The following CCDC18 variants were observed in gnomAD, a reference collection of about 807,000 sequenced individuals.
CCDC18 encodes coiled-coil domain containing 18.
CCDC18 carries 157 observed loss-of-function variants against 196.0 expected under a neutral mutation model. The ratio of observed to expected loss-of-function variants is 0.80; its 90% CI spans 0.70 to 0.91. The LOEUF is 0.91. Among genes scored for constraint, CCDC18 ranks in the 40% least tolerant of loss-of-function variants. CCDC18 has a pLI of 0.00. For synonymous variants in CCDC18, 482 were observed against 529.2 expected, an observed-to-expected ratio of 0.91 and a Z score of 1.22; for missense variants, 1,465 against 1,611.6, an observed-to-expected ratio of 0.91 and a Z score of 1.56.
intron 28 of CCDC18, among the ~76,000 whole-genome samples, chr1:93,275,389 G>A (rs1252454933): frequency 6.6e-6 from 1 of 152,136 alleles, no homozygotes; most frequent in African/African-American, 2.4e-5. Context: ...GATGACAGGC[G>A]TGAGCCACCG....
chr1:93,216,302 T>C (rs1344995270), intron 12 of CCDC18, among the ~76,000 whole-genome samples: 1 of 152,004 alleles, frequency 6.6e-6, no homozygotes, highest in Non-Finnish European at 1.5e-5. Flanking sequence ...TATTTCAGTC[T>C]TTAACAGCTA....
intron 28 of CCDC18, among the ~76,000 whole-genome samples, chr1:93,273,208 A>C (rs1320534174): frequency 1.3e-5 from 2 of 151,954 alleles, no homozygotes; most frequent in African/African-American, 4.8e-5. Context: ...AGCTGGGACT[A>C]CAGGCGCCCG....
intron 7 of CCDC18, among the ~76,000 whole-genome samples, chr1:93,204,737 C>G (rs1031850574): frequency 6.6e-6 from 1 of 151,854 alleles, no homozygotes; most frequent in African/African-American, 2.4e-5. Flanking sequence ...TCACTAGGTA[C>G]TGAAATCTTT....
intron 21 of CCDC18, among the ~76,000 whole-genome samples, chr1:93,241,345 G>A (rs1424755584): frequency 1.3e-5 from 2 of 152,020 alleles, no homozygotes; most frequent in African/African-American, 2.4e-5. Context: ...CTGTTGCTGT[G>A]GCTTCCTAGC....
At chr1:93,239,504 C>A in intron 20 of CCDC18, 31 bp downstream of exon 20, 1 of 1,579,980 alleles carries the variant, frequency 6.3e-7, no homozygotes, top group South Asian at 1.2e-5. Flanking sequence ...GTATAGCTGC[C>A]TATGTATTTG....
chr1:93,189,578 A>G (rs1323070383), intron 4 of CCDC18, among the ~76,000 whole-genome samples: 1 of 152,150 alleles, frequency 6.6e-6, no homozygotes, highest in Non-Finnish European at 1.5e-5. Flanking sequence ...ACTAATTTCC[A>G]TTCCCACCAA....
chr1:93,239,202 T>A (rs1230608221), intron 19 of CCDC18, 108 bp from the exon 20 acceptor site: 1 of 780,478 alleles, frequency 1.3e-6, no homozygotes, highest in East Asian at 2.6e-5. Context: ...CAACTAGATA[T>A]TTTGCTGATA....
intron 7 of CCDC18, among the ~76,000 whole-genome samples, chr1:93,204,858 A>G (rs890440493): frequency 2.0e-5 from 3 of 152,134 alleles, no homozygotes; most frequent in Non-Finnish European, 4.4e-5. Flanking sequence ...TCCTTGTGGG[A>G]ATGAAATATC....
chr1:93,198,380 G>A (rs988643578), intron 6 of CCDC18, among the ~76,000 whole-genome samples: 1 of 152,174 alleles, frequency 6.6e-6, no homozygotes, highest in African/African-American at 2.4e-5. Context: ...GTAGAATACT[G>A]TATAATTCCA....
At chr1:93,194,555 T>G (rs986879623) in intron 6 of CCDC18, among the ~76,000 whole-genome samples, 2 of 152,148 alleles carry the variant, frequency 1.3e-5, no homozygotes, top group African/African-American at 4.8e-5. Context: ...AAATCTCAGG[T>G]TTTTTTCATC....
At chr1:93,196,366 TACTC>T (rs67544684) in intron 6 of CCDC18, among the ~76,000 whole-genome samples, 79,589 of 151,446 alleles carry the variant, frequency 0.53, 24,029 homozygotes, top group South Asian at 0.68. Flanking sequence ...TTCAGATAAA[TACTC>T]ACCAAAGCAA....
intron 9 of CCDC18, 146 bp from the exon 10 acceptor site, chr1:93,210,656 C>T: frequency 1.8e-6 from 1 of 542,606 alleles, no homozygotes; most frequent in South Asian, 2.7e-5. Flanking sequence ...CTTAATATTT[C>T]TTAATGTATT....
chr1:93,193,698 A>G lies in CCDC18; in HGVS notation c.652A>G (p.Ile218Val). 1 of 1,588,896 alleles carries G rather than the reference A, an allele frequency of 6.3e-7. No individual in the cohort carries two copies. Among genetic ancestry groups the G allele is most frequent in the Non-Finnish European group, 8.5e-7 (1 of 1,170,594 alleles). Reference sequence around the variant, plus strand: ...TTTGCAGGAGTCCAAAGAGGAATGTATAAAATTAAAGGTGGACTTACTTGA... The same window carrying G: ...TTTGCAGGAGTCCAAAGAGGAATGTGTAAAATTAAAGGTGGACTTACTTGA... ...QSLQESKEEC[I>V]KLKVDLLEQT... Residue 218 changes from isoleucine to valine, a missense_variant, in exon 6 of 29, where the codon ATA (isoleucine) becomes GTA (valine). Ile to Val is a conservative substitution (Grantham distance 29, BLOSUM62 3). Coordinates refer to ENST00000690025, the MANE Select transcript of CCDC18 (RefSeq NM_001378204.1).
chr1:93,180,096 G>A (rs1216791137), upstream of CCDC18: 3 of 1,613,532 alleles, frequency 1.9e-6, no homozygotes, highest in African/African-American at 4.0e-5. Flanking sequence ...GCATGGGCTG[G>A]TAGAAGCACT....
upstream of CCDC18, chr1:93,180,315 C>A: frequency 6.8e-7 from 1 of 1,481,278 alleles, no homozygotes; most frequent in Non-Finnish European, 9.0e-7. Flanking sequence ...CCTCTCTGGA[C>A]TCCTCGTGGT....
At chr1:93,219,001 C>T (rs1342158597) in intron 14 of CCDC18, among the ~76,000 whole-genome samples, 2 of 152,124 alleles carry the variant, frequency 1.3e-5, no homozygotes, top group African/African-American at 2.4e-5. Context: ...TTCAGTCTAA[C>T]CCTATTATTG....
chr1:93,271,297 G>T, intron 28 of CCDC18: 1 of 985,186 alleles, frequency 1.0e-6, no homozygotes, highest in Non-Finnish European at 1.2e-6. Flanking sequence ...GCATGAATAA[G>T]GCCAACTGTC....
Position 93,278,490 on chromosome 1 carries a change from A to G in CCDC18, c.*13A>G. On this transcript the variant is annotated 3_prime_UTR_variant, in exon 29 of 29. Coordinates refer to ENST00000690025, the MANE Select transcript of CCDC18 (RefSeq NM_001378204.1). Reference sequence around the variant, plus strand: ...AGAAAATGTGTAATTCAAAGAAGATACTGATGTGTTGAAAAAATGGAATTT... The same window carrying G: ...AGAAAATGTGTAATTCAAAGAAGATGCTGATGTGTTGAAAAAATGGAATTT... 1.6e-6 allele frequency: 2 copies of G among 1,284,948 alleles called. No homozygotes were observed. The highest frequency in any genetic ancestry group is 1.8e-5 in the South Asian group (1 of 56,528). 79.6% of individuals were successfully genotyped at this position (1,284,948 alleles called of 1,614,324 possible). A position where few individuals can be genotyped will look rare whatever the true frequency, so the allele number is the denominator to read the frequency against.
intron 12 of CCDC18, among the ~76,000 whole-genome samples, chr1:93,215,798 G>C (rs1345714012): frequency 6.6e-6 from 1 of 152,126 alleles, no homozygotes; most frequent in Non-Finnish European, 1.5e-5. Context: ...GCTGTTTAAA[G>C]AGTCTGTATT....
Sources: gnomAD v4.1 joint callset for allele counts (sites outside exome capture counted in the v4.1 genomes callset) on GRCh38, gnomAD v4.1.1 for gene constraint, MANE v1.5 for transcripts, NCBI Gene and HGNC (gene_info 2026-07-23, HGNC 2026-07-21) for gene names.